Variants in CSMD2 observed in about 807,000 individuals in gnomAD.
CSMD2 encodes CUB and sushi domain-containing protein 2.
In CSMD2, 130 loss-of-function variants were observed where a neutral mutation model predicts 398.5. The ratio of observed to expected loss-of-function variants is 0.33; its 90% CI spans 0.28 to 0.38. CSMD2 has a LOEUF of 0.38. CSMD2 is among the 10% of genes least tolerant of loss of function. CSMD2 has a pLI of 1.00. For missense variants in CSMD2, 3,829 were observed against 4,764.9 expected (o/e 0.80, Z 5.78); for synonymous variants, 1,828 against 1,908.5 (o/e 0.96, Z 1.10).
At chr1:34,159,334 C>A (rs1031751143) in intron 1 of CSMD2, among the ~76,000 whole-genome samples, 104 of 70,214 alleles carry the variant, frequency 1.5e-3, no homozygotes, top group Non-Finnish European at 2.0e-3. Context: ...GCCTGCCCCC[C>A]CCCCACCCAG....
chr1:33,620,346 A>G (rs957605044), intron 37 of CSMD2, among the ~76,000 whole-genome samples: 2 of 152,216 alleles, frequency 1.3e-5, no homozygotes, highest in Non-Finnish European at 1.5e-5. Flanking sequence ...AAAATAAAAT[A>G]TAACTACAGG....
rs1460599144 is a variant in CSMD2 at position 33,691,115 on chromosome 1, A to G, written c.4052+1815T>C. 2.0e-5 allele frequency among the ~76,000 whole-genome samples: 3 copies of G among 151,492 alleles called. No individual in the cohort carries two copies. The East Asian group carries it at 5.8e-4, about 29-fold the overall frequency. On this transcript the variant is annotated intron_variant, in intron 25 of 70. Coordinates refer to ENST00000373381, the MANE Select transcript of CSMD2 (RefSeq NM_001281956.2). ...GGGCAGAGTAGAAACAAAGGCCCTGAGCTAGGCCCTGAGCTAGGCCATGTA... is the reference window on the plus strand; with the variant it reads ...GGGCAGAGTAGAAACAAAGGCCCTGGGCTAGGCCCTGAGCTAGGCCATGTA...
chr1:34,038,447 A>G (rs777786468), intron 2 of CSMD2, among the ~76,000 whole-genome samples: 1 of 152,230 alleles, frequency 6.6e-6, no homozygotes, highest in Non-Finnish European at 1.5e-5. Context: ...TCTGCTTTAC[A>G]TCAGCCTTAT....
intron 65 of CSMD2, among the ~76,000 whole-genome samples, chr1:33,526,315 C>G (rs1303715311): frequency 6.6e-6 from 1 of 152,064 alleles, no homozygotes; most frequent in Non-Finnish European, 1.5e-5. Context: ...TCAGACAGAC[C>G]CAGAGTCTAA....
intron 13 of CSMD2, among the ~76,000 whole-genome samples, chr1:33,743,874 C>T (rs929819528): frequency 5.9e-5 from 9 of 152,190 alleles, no homozygotes; most frequent in East Asian, 1.9e-4. Flanking sequence ...CTGGTCAGCA[C>T]GCCCACCTAG....
rs541692141 is a variant in CSMD2, at chr1:33,738,272, G to A, written c.2368+868C>T. On this transcript the variant is annotated intron_variant, in intron 15 of 70. Coordinates refer to ENST00000373381, the MANE Select transcript of CSMD2 (RefSeq NM_001281956.2). ...CTAAAAGGAGAGAATCACAGCCTTC[G>A]TCTCCTTGGATACTGTCAGTTTCCC... Among the ~76,000 whole-genome samples the A allele has an allele frequency of 4.6e-5, 7 of 152,178 alleles. No individual in the cohort carries two copies. In the South Asian group the frequency reaches 8.3e-4, roughly 18 times the overall value.
In CSMD2 at chr1:34,163,601, G is replaced by T. The variant is rs929188720; in HGVS notation, c.187+1310C>A. ...CACTTTCCCAAGAAGGGGAACTGGG[G>T]TGGTCCAGGCCAAGCCTTCAGAGGT... On this transcript the variant is annotated intron_variant, in intron 1 of 70. Transcript: ENST00000373381. The surrounding 1 kb of genome is among the most constrained non-coding windows in gnomAD (Gnocchi z 5.4). Among the ~76,000 whole-genome samples, 14 of 152,200 alleles carry T rather than the reference G, an allele frequency of 9.2e-5. No individual in the cohort carries two copies. Among genetic ancestry groups the T allele is most frequent in the Non-Finnish European group, 1.6e-4 (11 of 68,044 alleles).
chr1:34,135,957 G>A (rs568347091), intron 1 of CSMD2, among the ~76,000 whole-genome samples: 13 of 152,160 alleles, frequency 8.5e-5, no homozygotes, highest in South Asian at 2.1e-4. Flanking sequence ...TATGCCATTC[G>A]AATTTTTGCC....
intron 3 of CSMD2, among the ~76,000 whole-genome samples, chr1:33,936,245 T>C (rs1644477391): frequency 6.6e-6 from 1 of 152,220 alleles, no homozygotes; most frequent in African/African-American, 2.4e-5. Flanking sequence ...GTGAATTATG[T>C]TCATCCTGAT....
In CSMD2 at chr1:33,580,887, T is replaced by C; in HGVS notation, c.7253A>G (p.Gln2418Arg). 3 of 1,614,164 alleles carry C rather than the reference T, an allele frequency of 1.9e-6. No homozygotes were observed. Among genetic ancestry groups the C allele is most frequent in the Non-Finnish European group, 2.5e-6 (3 of 1,180,008 alleles). The change falls in exon 48 of 71, where the codon CAG (glutamine) becomes CGG (arginine). Residue 2418 changes from glutamine to arginine, a missense_variant. Physicochemically the swap from Gln to Arg is conservative, Grantham distance 43. Coordinates refer to ENST00000373381, the MANE Select transcript of CSMD2 (RefSeq NM_001281956.2). ...EFEIFDGPSG[Q>R]SPLLKALSGN... is the part of the protein sequence containing the mutation. ...ACTGAGGGCTTTCAGCAGAGGACTC[T>C]GTCCTGATGGACCTGGGGTGAGAAG...
chr1:34,055,488 G>A (rs1225080778), intron 2 of CSMD2, among the ~76,000 whole-genome samples: 2 of 152,124 alleles, frequency 1.3e-5, no homozygotes, highest in African/African-American at 2.4e-5. Flanking sequence ...CCAACTGGCT[G>A]TAAAGCAAGA....
Position 33,875,039 on chromosome 1 carries a change from G to A in CSMD2, c.921-28043C>T, listed in dbSNP as rs1640742006. ...CTACTCTGCCAGGAAGTGGGAAAGG[G>A]CCGCCAAGGCCTGATCATCAGTCCA... On this transcript the variant is annotated intron_variant, in intron 5 of 70. Coordinates refer to ENST00000373381, the MANE Select transcript of CSMD2 (RefSeq NM_001281956.2). 3.3e-5 allele frequency among the ~76,000 whole-genome samples: 5 copies of A among 152,292 alleles called. No homozygotes were observed. In the South Asian group the frequency reaches 1.0e-3, roughly 32 times the overall value.
intron 6 of CSMD2, among the ~76,000 whole-genome samples, chr1:33,832,509 A>G (rs1214622065): frequency 6.7e-6 from 1 of 148,670 alleles, no homozygotes; most frequent in East Asian, 2.0e-4. Context: ...CAGTGTGTAG[A>G]GGGAAATTTA....
chr1:34,077,350 G>A (rs1218283101), intron 2 of CSMD2, among the ~76,000 whole-genome samples: 3 of 149,282 alleles, frequency 2.0e-5, no homozygotes, highest in Non-Finnish European at 4.4e-5. Context: ...CCAGCTACTC[G>A]GGAGGCTGAG....
chr1:34,110,733 G>A (rs1660999205), intron 1 of CSMD2, among the ~76,000 whole-genome samples: 1 of 152,030 alleles, frequency 6.6e-6, no homozygotes, highest in African/African-American at 2.4e-5. Context: ...ACATACACGA[G>A]GGACTACCTG....
chr1:34,106,810 G>T (rs543563991), intron 1 of CSMD2, among the ~76,000 whole-genome samples: 43 of 152,166 alleles, frequency 2.8e-4, no homozygotes, highest in African/African-American at 1.0e-3. Context: ...CAATTGCTTC[G>T]TGGGAATAAT....
At chr1:33,693,097 T>C (rs1256414503) in intron 24 of CSMD2, 41 bp from the exon 25 acceptor site, 1 of 1,552,370 alleles carries the variant, frequency 6.4e-7, no homozygotes, top group South Asian at 1.2e-5. Flanking sequence ...TGGGGTGGCC[T>C]GAGCTGCCAG....
chr1:34,028,188 G>A (rs1649925183), intron 3 of CSMD2, among the ~76,000 whole-genome samples: 1 of 152,068 alleles, frequency 6.6e-6, no homozygotes, highest in African/African-American at 2.4e-5. Context: ...GGCTGTGGTG[G>A]CGCGTGTCTG....
intron 3 of CSMD2, among the ~76,000 whole-genome samples, chr1:34,005,999 G>C (rs1558235608): frequency 6.6e-6 from 1 of 152,198 alleles, no homozygotes. Context: ...TCTTCTCAGT[G>C]AATCTAGATG....
Sources: allele counts gnomAD v4.1 joint callset (sites outside exome capture counted in the v4.1 genomes callset), GRCh38; gene constraint gnomAD v4.1.1; non-coding constraint Gnocchi (gnomAD v3.1); transcripts MANE v1.5; gene names NCBI Gene and HGNC (gene_info 2026-07-23, HGNC 2026-07-21).